The following DSTN variants were observed in gnomAD, a reference collection of about 807,000 sequenced individuals.
DSTN encodes the protein destrin, actin depolymerizing factor.
A neutral mutation model predicts 16.8 loss-of-function variants in DSTN; 10 were observed. The observed-to-expected ratio is 0.60, with a 90% CI of 0.37 to 1.01. DSTN has a LOEUF of 1.01. Among genes scored for constraint, DSTN ranks in the 50% least tolerant of loss-of-function variants. The probability of loss-of-function intolerance (pLI) is 0.01; values close to 1 mark genes in which losing one functional copy is unlikely to be tolerated. For synonymous variants in DSTN, 57 were observed against 58.9 expected (o/e 0.97, Z 0.14); for missense variants, 141 against 196.7 (o/e 0.72, Z 1.69).
chr20:17,582,645 T>A (rs149398331), intron 1 of DSTN, among the ~76,000 whole-genome samples: 2 of 152,154 alleles, frequency 1.3e-5, no homozygotes, highest in African/African-American at 4.8e-5. Flanking sequence ...CAATTGGATA[T>A]CCGCATGCAA....
chr20:17,592,845 T>G (rs904816690), intron 1 of DSTN, among the ~76,000 whole-genome samples: 1 of 152,170 alleles, frequency 6.6e-6, no homozygotes, highest in Admixed American at 6.5e-5. Context: ...TCCCATCACT[T>G]CCTCCTTAGT....
chr20:17,577,747 A>G (rs1223227140), intron 1 of DSTN, among the ~76,000 whole-genome samples: 3 of 152,284 alleles, frequency 2.0e-5, no homozygotes, highest in South Asian at 2.1e-4. Context: ...TTACATATAA[A>G]TTGTTTGAAA....
intron 1 of DSTN, among the ~76,000 whole-genome samples, chr20:17,597,047 G>A (rs1042749912): frequency 2.0e-5 from 3 of 152,198 alleles, no homozygotes; most frequent in African/African-American, 7.2e-5. Flanking sequence ...GGGAGTTAGA[G>A]GGATTGGGAT....
chr20:17,582,075 A>AC (rs2035351987), intron 1 of DSTN, among the ~76,000 whole-genome samples: 1 of 136,422 alleles, frequency 7.3e-6, no homozygotes, highest in Non-Finnish European at 1.5e-5. Flanking sequence ...TATGAAATAT[A>AC]CATTTTTTTT....
At chr20:17,603,434 A>G (rs1427697084) in intron 2 of DSTN, among the ~76,000 whole-genome samples, 2 of 152,188 alleles carry the variant, frequency 1.3e-5, no homozygotes, top group African/African-American at 4.8e-5. Context: ...TGGTTTTGGT[A>G]TATGTCATTT....
At position 17,589,440 on chromosome 20, in the gene DSTN, G is replaced by A. The variant is rs564965110; in HGVS notation, c.4-11298G>A. 3.3e-5 allele frequency among the ~76,000 whole-genome samples: 5 copies of A among 152,308 alleles called. No homozygotes were observed. The South Asian group carries it at 1.0e-3, about 32-fold the overall frequency. ...TAACCAGGCTGCTCTGCTGACCTCA[G>A]GTGATCTGCCTATCTCAGGCTCCCA... On this transcript the variant is annotated intron_variant, in intron 1 of 3. Transcript: ENST00000246069.
intron 1 of DSTN, among the ~76,000 whole-genome samples, chr20:17,571,515 A>G (rs1021827677): frequency 2.6e-5 from 4 of 152,250 alleles, no homozygotes; most frequent in Admixed American, 2.0e-4. Flanking sequence ...GCTACAAAGT[A>G]TCAGCATCTT....
chr20:17,578,963 A>AAAAG (rs1490214377), intron 1 of DSTN, among the ~76,000 whole-genome samples: 36 of 98,784 alleles, frequency 3.6e-4, no homozygotes, highest in Non-Finnish European at 7.1e-5. Flanking sequence ...TTCCATCTCA[A>AAAAG]AAAAAAAAAA....
chr20:17,601,264 T>G, intron 2 of DSTN, among the ~76,000 whole-genome samples: 1 of 149,738 alleles, frequency 6.7e-6, no homozygotes, highest in African/African-American at 2.4e-5. Flanking sequence ...TCTCCGTTTT[T>G]GTTTTTTTTT....
chr20:17,574,739 A>T (rs889199200), intron 1 of DSTN, among the ~76,000 whole-genome samples: 26 of 149,938 alleles, frequency 1.7e-4, no homozygotes, highest in Middle Eastern at 3.5e-3. Context: ...AAAAAAAAAA[A>T]AAAAAAAATT....
At chr20:17,583,478 TA>T (rs1339909830) in intron 1 of DSTN, among the ~76,000 whole-genome samples, 6 of 152,162 alleles carry the variant, frequency 3.9e-5, no homozygotes, top group Non-Finnish European at 5.9e-5. Context: ...AAATGTAGTA[TA>T]TCCATGCAAG....
At chr20:17,604,170 T>C (rs1264453474) in intron 2 of DSTN, among the ~76,000 whole-genome samples, 2 of 152,208 alleles carry the variant, frequency 1.3e-5, no homozygotes, top group East Asian at 3.8e-4. Flanking sequence ...AAACCTTGTG[T>C]AAATATTAGC....
At chr20:17,575,059 A>C (rs144808515) in intron 1 of DSTN, among the ~76,000 whole-genome samples, 154 of 151,992 alleles carry the variant, frequency 1.0e-3, no homozygotes, top group African/African-American at 3.4e-3. Context: ...AGATTTTGCT[A>C]CATTGCCCAG....
chr20:17,596,785 G>A, intron 1 of DSTN: 1 of 985,370 alleles, frequency 1.0e-6, no homozygotes, highest in Non-Finnish European at 1.2e-6. Context: ...GGCTTTTAAG[G>A]AGCTTGTAAG....
intron 1 of DSTN, among the ~76,000 whole-genome samples, chr20:17,577,057 A>T (rs538499452): frequency 1.4e-4 from 22 of 152,370 alleles, no homozygotes; most frequent in Admixed American, 4.6e-4. Flanking sequence ...AGAATTATTT[A>T]AAATATCATA....
At chr20:17,570,574 CG>C (rs991856134) in intron 1 of DSTN, among the ~76,000 whole-genome samples, 1 of 151,632 alleles carries the variant, frequency 6.6e-6, no homozygotes, top group African/African-American at 2.4e-5. Context: ...ACACCGAGGC[CG>C]GGGAGTGGGG....
At chr20:17,571,499 C>T (rs2035206752) in intron 1 of DSTN, among the ~76,000 whole-genome samples, 1 of 152,172 alleles carries the variant, frequency 6.6e-6, no homozygotes, top group Non-Finnish European at 1.5e-5. Context: ...TGGTTTAATG[C>T]TGTAAGCTAC....
intron 1 of DSTN, among the ~76,000 whole-genome samples, chr20:17,596,470 G>C (rs1167834449): frequency 1.3e-5 from 2 of 152,168 alleles, no homozygotes; most frequent in Non-Finnish European, 2.9e-5. Context: ...TTGCAGTCTA[G>C]TCACTAATCG....
rs2035658828 is a variant in DSTN at position 17,607,849 on chromosome 20, T to C, written c.*703T>C. ...AGAATGTGCAGTGTCTTGTAACAACTAATTATAATGCAAATTAGGGCTACA... is the reference window on the plus strand; with the variant it reads ...AGAATGTGCAGTGTCTTGTAACAACCAATTATAATGCAAATTAGGGCTACA... On this transcript the variant is annotated 3_prime_UTR_variant, in exon 4 of 4. Transcript: ENST00000246069. 1 of 152,250 alleles carries C rather than the reference T, an allele frequency of 6.6e-6. No homozygotes were observed. Among genetic ancestry groups the C allele is most frequent in the African/African-American group, 2.4e-5 (1 of 41,466 alleles). The allele number at this position is 152,250 out of a possible 1,614,324, so 9.4% of individuals were successfully genotyped here.
Sources: allele counts gnomAD v4.1 joint callset (sites outside exome capture counted in the v4.1 genomes callset), GRCh38; gene constraint gnomAD v4.1.1; transcripts MANE v1.5; gene names NCBI Gene and HGNC (gene_info 2026-07-23, HGNC 2026-07-21).